The following KCTD14 variants were observed in gnomAD, a reference collection of about 807,000 sequenced individuals.
The protein encoded by KCTD14 is potassium channel tetramerization domain containing 14.
Under a neutral mutation model 5.9 loss-of-function variants are expected in KCTD14, and 7 were observed. The ratio of observed to expected loss-of-function variants is 1.19; its 90% CI spans 0.68 to 2.23. The LOEUF is 2.23. KCTD14 is among the 30% of genes most tolerant of loss of function. The pLI is 0.00. For synonymous variants in KCTD14, 140 were observed against 133.1 expected, an observed-to-expected ratio of 1.05 and a Z score of -0.36; for missense variants, 342 against 332.2, an observed-to-expected ratio of 1.03 and a Z score of -0.23.
intron 1 of KCTD14, among the ~76,000 whole-genome samples, chr11:78,019,631 T>C (rs577108921): frequency 1.4e-4 from 22 of 152,196 alleles, no homozygotes; most frequent in Admixed American, 2.6e-4. Flanking sequence ...TGAAATTTGT[T>C]TGATGAATGT....
intron 2 of KCTD14, among the ~76,000 whole-genome samples, chr11:78,031,987 C>G (rs560276626): frequency 1.3e-5 from 2 of 152,314 alleles, no homozygotes; most frequent in East Asian, 3.9e-4. Flanking sequence ...TCCTCCTTCC[C>G]TTTGGGAAGT....
At position 78,038,537 on chromosome 11, in the gene KCTD14, G is replaced by A. The variant is rs1273418932; in HGVS notation, c.-1+127C>T. 4 of 1,100,436 alleles carry A rather than the reference G, an allele frequency of 3.6e-6. No individual in the cohort carries two copies. The Admixed American group carries it at 8.9e-5, about 25-fold the overall frequency. The allele number at this position is 1,100,436 out of a possible 1,614,324, so 68.2% of individuals were successfully genotyped here. A position where few individuals can be genotyped will look rare whatever the true frequency, so the allele number is the denominator to read the frequency against. On this transcript the variant is annotated intron_variant, in intron 2 of 2. Coordinates refer to the KCTD14 transcript ENST00000533144. ...GAGAGGAATCAACCGCACCCCATCT[G>A]GCTCCCCGCTCACTGGCTCCCCAGC...
At chr11:78,024,808 G>T (rs1031045699), upstream of KCTD14, among the ~76,000 whole-genome samples, 13 of 151,692 alleles carry the variant, frequency 8.6e-5, no homozygotes, top group Admixed American at 3.3e-4. Context: ...AGCTGGGCGT[G>T]GTGGTGGGCA....
chr11:78,022,511 C>A (rs1329849745), intron 1 of KCTD14, among the ~76,000 whole-genome samples: 1 of 152,128 alleles, frequency 6.6e-6, no homozygotes, highest in Non-Finnish European at 1.5e-5. Flanking sequence ...AGCCACGCTG[C>A]CCTGCTGCTG....
chr11:78,040,391 A>T (rs1857955474), intron 1 of KCTD14, among the ~76,000 whole-genome samples: 3 of 140,782 alleles, frequency 2.1e-5, no homozygotes, highest in African/African-American at 2.7e-5. Context: ...TTCTCCCTCC[A>T]CTTCTTCCTG....
intron 1 of KCTD14, among the ~76,000 whole-genome samples, chr11:78,043,603 C>G (rs560120391): frequency 6.6e-6 from 1 of 152,258 alleles, no homozygotes; most frequent in African/African-American, 2.4e-5. Context: ...TGGAGGGGCC[C>G]CCTGAACCAG....
At chr11:78,019,630 T>A (rs558587164) in intron 1 of KCTD14, among the ~76,000 whole-genome samples, 98 of 152,206 alleles carry the variant, frequency 6.4e-4, no homozygotes, top group Non-Finnish European at 8.7e-4. Flanking sequence ...ATGAAATTTG[T>A]TTGATGAATG....
upstream of KCTD14, chr11:78,023,339 C>G (rs528985162): frequency 6.0e-6 from 8 of 1,326,728 alleles, 2 homozygotes; most frequent in South Asian, 8.7e-5. Context: ...CTGAGCCAGG[C>G]GTGGCTTGCA....
Position 78,016,364 on chromosome 11 carries a change from T to C in KCTD14, c.*229A>G, listed in dbSNP as rs1387040069. The C allele has an allele frequency of 5.2e-6, 3 of 577,372 alleles. No individual in the cohort carries two copies. The highest frequency in any genetic ancestry group is 6.1e-6 in the Non-Finnish European group (2 of 325,724). The allele number at this position is 577,372 out of a possible 1,614,324, so 35.8% of individuals were successfully genotyped here. A position where few individuals can be genotyped will look rare whatever the true frequency, so the allele number is the denominator to read the frequency against. Reference sequence around the variant, plus strand: ...GACTTCAAGAGAAGGGTCTGGGAGATACATGAGGCTTTGAAAAGGAAGTAG... The same window carrying C: ...GACTTCAAGAGAAGGGTCTGGGAGACACATGAGGCTTTGAAAAGGAAGTAG... On this transcript the variant is annotated 3_prime_UTR_variant, in exon 2 of 2. Transcript: ENST00000353172.
chr11:78,035,919 G>C (rs1430637644), intron 2 of KCTD14, among the ~76,000 whole-genome samples: 1 of 151,282 alleles, frequency 6.6e-6, no homozygotes, highest in African/African-American at 2.4e-5. Context: ...CAGCACTTTG[G>C]GAGGTCAAGG....
intron 2 of KCTD14, among the ~76,000 whole-genome samples, chr11:78,035,413 C>T (rs766361406): frequency 8.5e-5 from 13 of 152,118 alleles, no homozygotes; most frequent in Non-Finnish European, 1.9e-4. Context: ...AAGGTCCCAG[C>T]CCGTGATAGC....
At chr11:78,045,259 C>T (rs988738870) in intron 1 of KCTD14, among the ~76,000 whole-genome samples, 2 of 152,164 alleles carry the variant, frequency 1.3e-5, no homozygotes, top group African/African-American at 2.4e-5. Flanking sequence ...CATGTCACCA[C>T]GCCCAGCTAA....
intron 1 of KCTD14, among the ~76,000 whole-genome samples, chr11:78,042,016 C>T (rs1406217489): frequency 3.3e-5 from 5 of 152,182 alleles, no homozygotes; most frequent in Admixed American, 1.3e-4. Flanking sequence ...CTGCCACCAT[C>T]TTGGAAGTAG....
At position 78,033,622 on chromosome 11, in the gene KCTD14, C is replaced by T. The variant is rs376285708; in HGVS notation, c.-1+5042G>A. 2.7e-4 allele frequency among the ~76,000 whole-genome samples: 40 copies of T among 150,098 alleles called. No individual in the cohort carries two copies. The East Asian group carries it at 3.3e-3, about 13-fold the overall frequency. On this transcript the variant is annotated intron_variant, in intron 2 of 2. Coordinates refer to the KCTD14 transcript ENST00000533144. ...ACTTGAACCCAGGAGGCAGAGGTTG[C>T]AGTGAGCTGAGATTGTACCACTGTA...
chr11:78,024,811 G>T (rs1021617876), upstream of KCTD14, among the ~76,000 whole-genome samples: 1 of 151,594 alleles, frequency 6.6e-6, no homozygotes, highest in Non-Finnish European at 1.5e-5. Context: ...TGGGCGTGGT[G>T]GTGGGCACCT....
chr11:78,033,878 A>AGTGTGT (rs1298519878), intron 2 of KCTD14, among the ~76,000 whole-genome samples: 6 of 47,580 alleles, frequency 1.3e-4, no homozygotes, highest in Non-Finnish European at 2.5e-4. Context: ...AGAAAATAAT[A>AGTGTGT]GTGTGTGTGT....
chr11:78,038,072 C>T (rs1253762084), intron 2 of KCTD14, among the ~76,000 whole-genome samples: 1 of 151,942 alleles, frequency 6.6e-6, no homozygotes, highest in Non-Finnish European at 1.5e-5. Flanking sequence ...AGGCACTCTG[C>T]CCCCCACACC....
intron 1 of KCTD14, among the ~76,000 whole-genome samples, chr11:78,041,609 G>T (rs1342264601): frequency 6.6e-6 from 1 of 152,196 alleles, no homozygotes; most frequent in Non-Finnish European, 1.5e-5. Flanking sequence ...CTTTGTATGG[G>T]AGCTCTGTTT....
chr11:78,046,105 C>T, exon 1 of KCTD14: 8 of 985,350 alleles, frequency 8.1e-6, no homozygotes, highest in Non-Finnish European at 9.6e-6. Flanking sequence ...GAGTGATCTG[C>T]CGAGATTTCC....
Sources: allele counts gnomAD v4.1 joint callset (sites outside exome capture counted in the v4.1 genomes callset), GRCh38; gene constraint gnomAD v4.1.1; transcripts MANE v1.5; gene names NCBI Gene and HGNC (gene_info 2026-07-23, HGNC 2026-07-21).